Variants in PHACTR4 observed in about 807,000 individuals in gnomAD.
PHACTR4 encodes phosphatase and actin regulator 4.
Under a neutral mutation model 72.7 loss-of-function variants are expected in PHACTR4, and 51 were observed. That is an observed-to-expected ratio of 0.70 (90% CI 0.56 to 0.89). The LOEUF is 0.89. PHACTR4 is among the 40% of genes least tolerant of loss of function. The pLI is 0.00. For missense variants in PHACTR4, 731 were observed against 861.8 expected (o/e 0.85, Z 1.90); for synonymous variants, 255 against 302.5 (o/e 0.84, Z 1.63).
In PHACTR4 at chr1:28,500,304, T is replaced by A. The variant is rs1053436235; in HGVS notation, c.*3755T>A. On this transcript the variant is annotated 3_prime_UTR_variant, in exon 14 of 14. Transcript: ENST00000373839. ...TCTCCTTGTAAAATAAATAATTGCA[T>A]TGTATATCAGTCTTCTCATCAATAT... 6.6e-6 allele frequency: 1 copy of A among 152,142 alleles called. No homozygotes were observed. Among genetic ancestry groups the A allele is most frequent in the African/African-American group, 2.4e-5 (1 of 41,438 alleles). The allele number at this position is 152,142 out of a possible 1,614,324, so 9.4% of individuals were successfully genotyped here.
chr1:28,495,735 G>A (rs1295935898), intron 13 of PHACTR4, among the ~76,000 whole-genome samples: 1 of 151,542 alleles, frequency 6.6e-6, no homozygotes, highest in Non-Finnish European at 1.5e-5. Flanking sequence ...TCCCACCTCA[G>A]CCTCCTCAGT....
chr1:28,469,274 GGTT>G (rs1659412114), intron 6 of PHACTR4, among the ~76,000 whole-genome samples: 1 of 152,122 alleles, frequency 6.6e-6, no homozygotes. Context: ...AACAATCTGA[GGTT>G]GATCAAGATT....
rs753398686 is a variant in PHACTR4, at chr1:28,473,907, G to A, written c.1177G>A (p.Glu393Lys). The part of the protein sequence containing the change: ...EIPQQEDQKK[E>K]VPKRILDQNF... Reference sequence around the variant, plus strand: ...TCCCCAGCAGGAAGATCAGAAAAAGGAAGTCCCCAAGAGGATACTGGACCA... The same window carrying A: ...TCCCCAGCAGGAAGATCAGAAAAAGAAAGTCCCCAAGAGGATACTGGACCA... The change falls in exon 7 of 14, where the codon GAA becomes AAA. Residue 393 changes from glutamate (E) to lysine (K), a missense_variant. By Grantham distance (56) the Glu-to-Lys change is moderately conservative. This residue lies in a region of PHACTR4 where 621 missense variants were observed against 676.6 expected (regional missense o/e 0.92). Transcript: ENST00000373839. The A allele has an allele frequency of 6.2e-7, 1 of 1,614,088 alleles. No individual in the cohort carries two copies. Among genetic ancestry groups the A allele is most frequent in the South Asian group, 1.1e-5 (1 of 91,074 alleles).
chr1:28,479,103 C>G (rs1224397702), intron 8 of PHACTR4, among the ~76,000 whole-genome samples: 1 of 151,942 alleles, frequency 6.6e-6, no homozygotes, highest in East Asian at 1.9e-4. Context: ...GGTGAAACCC[C>G]ATCTCTTCTA....
In PHACTR4 at chr1:28,401,320, TG is replaced by T. The variant is rs1417223689; in HGVS notation, c.-38-6083del. On this transcript the variant is annotated intron_variant, in intron 1 of 13. Coordinates refer to ENST00000373839, the MANE Select transcript of PHACTR4 (RefSeq NM_001048183.3). ...CTTTACTTTTTTTTTTTTTTTTTTT[TG>T]GGGGGGATGGAGTCTCGCTCTGTCA... is the stretch of plus-strand genomic sequence containing the variant. Among the ~76,000 whole-genome samples, 361 of 123,316 alleles carry T rather than the reference TG, an allele frequency of 2.9e-3. 18 individuals are homozygous for T. The highest frequency in any genetic ancestry group is 4.0e-3 in the Middle Eastern group (1 of 252). 80.9% of individuals were successfully genotyped at this position (123,316 alleles called of 152,430 possible). A position where few individuals can be genotyped will look rare whatever the true frequency, so the allele number is the denominator to read the frequency against.
At chr1:28,411,761 T>G (rs1427793317) in intron 2 of PHACTR4, among the ~76,000 whole-genome samples, 1 of 152,006 alleles carries the variant, frequency 6.6e-6, no homozygotes, top group Non-Finnish European at 1.5e-5. Flanking sequence ...AAAGAACGTA[T>G]TCATGTAACC....
intron 1 of PHACTR4, among the ~76,000 whole-genome samples, chr1:28,386,272 T>C (rs146599957): frequency 1.2e-3 from 175 of 152,102 alleles, no homozygotes; most frequent in African/African-American, 4.1e-3. Context: ...TTTTGGACTT[T>C]TAGTAGAGAC....
Position 28,479,644 on chromosome 1 carries a change from G to T in PHACTR4, c.1607-807G>T, listed in dbSNP as rs537654300. ...CTCACGCCTATAATCCCTGCACTTTGGGAGGCCGAGGTGGGTGGATCACCT... is the reference window on the plus strand; with the variant it reads ...CTCACGCCTATAATCCCTGCACTTTTGGAGGCCGAGGTGGGTGGATCACCT... On this transcript the variant is annotated intron_variant, in intron 8 of 13. Transcript: ENST00000373839. 3.6e-3 allele frequency among the ~76,000 whole-genome samples: 549 copies of T among 151,424 alleles called. 5 individuals are homozygous for T. Among genetic ancestry groups the T allele is most frequent in the African/African-American group, 0.013 (522 of 41,280 alleles).
chr1:28,453,942 A>G (rs145662632), intron 2 of PHACTR4: 8 of 641,554 alleles, frequency 1.2e-5, no homozygotes, highest in African/African-American at 7.2e-5. Context: ...ACGGCCAGGC[A>G]CGGTGGCACA....
intron 1 of PHACTR4, among the ~76,000 whole-genome samples, chr1:28,382,535 C>T (rs1053538050): frequency 6.6e-6 from 1 of 151,342 alleles, no homozygotes; most frequent in Non-Finnish European, 1.5e-5. Flanking sequence ...GATCTCCTGA[C>T]CTCGTGATCC....
chr1:28,491,614 T>C (rs1424666304), intron 11 of PHACTR4, 36 bp from the exon 12 acceptor site: 2 of 1,613,838 alleles, frequency 1.2e-6, no homozygotes, highest in South Asian at 2.2e-5. Flanking sequence ...TGCCTAATTA[T>C]TGGCTTGGTG....
At chr1:28,392,759 A>G (rs998339509) in intron 1 of PHACTR4, among the ~76,000 whole-genome samples, 25 of 152,118 alleles carry the variant, frequency 1.6e-4, no homozygotes, top group Admixed American at 1.6e-3. Flanking sequence ...GGAAAAAAAA[A>G]TCTTATGCCA....
intron 1 of PHACTR4, among the ~76,000 whole-genome samples, chr1:28,386,439 G>T (rs932106508): frequency 6.6e-6 from 1 of 152,036 alleles, no homozygotes; most frequent in Non-Finnish European, 1.5e-5. Flanking sequence ...GTCTTATCAG[G>T]TCCCTTTCAC....
intron 2 of PHACTR4, among the ~76,000 whole-genome samples, chr1:28,453,075 C>T (rs1048239537): frequency 3.9e-5 from 6 of 152,210 alleles, no homozygotes; most frequent in Non-Finnish European, 5.9e-5. Context: ...GCCGAGATCA[C>T]GCCATTGCAC....
At chr1:28,410,090 C>T (rs1654674638) in intron 2 of PHACTR4, among the ~76,000 whole-genome samples, 1 of 150,854 alleles carries the variant, frequency 6.6e-6, no homozygotes, top group African/African-American at 2.5e-5. Context: ...CCTCAGCTTC[C>T]CGAGTAGCTG....
intron 1 of PHACTR4, among the ~76,000 whole-genome samples, chr1:28,386,481 T>G (rs1652568247): frequency 6.6e-6 from 1 of 152,128 alleles, no homozygotes; most frequent in African/African-American, 2.4e-5. Flanking sequence ...ATATCTTTGT[T>G]AATTTTCTGT....
intron 2 of PHACTR4, among the ~76,000 whole-genome samples, chr1:28,428,738 G>T (rs1656032330): frequency 6.6e-6 from 1 of 152,110 alleles, no homozygotes; most frequent in African/African-American, 2.4e-5. Context: ...TTGGGGAGGT[G>T]GGGTTCATTT....
In PHACTR4 at chr1:28,369,831, T is replaced by C. The variant is rs1438409251; in HGVS notation, c.-39+6T>C. 1.1e-5 allele frequency: 5 copies of C among 452,154 alleles called. No homozygotes were observed. The highest frequency in any genetic ancestry group is 2.2e-5 in the Non-Finnish European group (5 of 226,028). 28.0% of individuals were successfully genotyped at this position (452,154 alleles called of 1,614,324 possible). ...AGGCGGCGGCGGAGATCTGGGTAAG[T>C]TCAGCGAGCAAGGGAAAGTGAGCAG... On this transcript the variant is annotated splice_donor_region_variant and intron_variant, in intron 1 of 13. Coordinates refer to ENST00000373839, the MANE Select transcript of PHACTR4 (RefSeq NM_001048183.3).
chr1:28,382,594 C>T (rs953004418), intron 1 of PHACTR4, among the ~76,000 whole-genome samples: 8 of 152,072 alleles, frequency 5.3e-5, no homozygotes, highest in Non-Finnish European at 1.0e-4. Context: ...TGAGCCACCG[C>T]GCCCGGCCTA....
Sources: gnomAD v4.1 joint callset for allele counts (sites outside exome capture counted in the v4.1 genomes callset) on GRCh38, gnomAD v4.1.1 for gene constraint, gnomAD v4.1.1 regional missense constraint, MANE v1.5 for transcripts, NCBI Gene and HGNC (gene_info 2026-07-23, HGNC 2026-07-21) for gene names.